The following RABIF variants were observed in gnomAD, a reference collection of about 807,000 sequenced individuals.
RABIF encodes guanine nucleotide exchange factor MSS4.
Under a neutral mutation model 12.3 loss-of-function variants are expected in RABIF, and 13 were observed. The observed-to-expected ratio is 1.06, with a 90% CI of 0.69 to 1.68. The LOEUF (loss-of-function observed/expected upper bound fraction) is 1.68, where lower values mean the gene tolerates loss of function less well. Among genes scored for constraint, RABIF ranks in the 40% most tolerant of loss-of-function variants. RABIF has a pLI of 0.00. For synonymous variants in RABIF, 70 were observed against 63.3 expected, an observed-to-expected ratio of 1.11 and a Z score of -0.50; for missense variants, 153 against 158.0, an observed-to-expected ratio of 0.97 and a Z score of 0.17.
chr1:202,886,270 G>A (rs1003902990), intron 1 of RABIF, among the ~76,000 whole-genome samples: 1 of 120,022 alleles, frequency 8.3e-6, no homozygotes, highest in East Asian at 3.2e-4. Context: ...GAAGGGAAGG[G>A]GGGAAAGGAA....
At position 202,880,746 on chromosome 1, in the gene RABIF, G is replaced by C; in HGVS notation, c.*232C>G. 7.8e-7 allele frequency: 1 copy of C among 1,283,128 alleles called. No homozygotes were observed. The highest frequency in any genetic ancestry group is 9.9e-7 in the Non-Finnish European group (1 of 1,009,790). 79.5% of individuals were successfully genotyped at this position (1,283,128 alleles called of 1,614,324 possible). ...AGGTAAGCACAGTGTCCCAAAACTGGGGGAAAAGGGAGCTTAGGAAATGTG... is the reference window on the plus strand; with the variant it reads ...AGGTAAGCACAGTGTCCCAAAACTGCGGGAAAAGGGAGCTTAGGAAATGTG... On this transcript the variant is annotated 3_prime_UTR_variant, in exon 2 of 2. Transcript: ENST00000367262.
At chr1:202,884,121 G>T (rs1004282161) in intron 1 of RABIF, among the ~76,000 whole-genome samples, 1 of 152,116 alleles carries the variant, frequency 6.6e-6, no homozygotes, top group East Asian at 1.9e-4. Context: ...GTTCTGTCAG[G>T]ACCCCAGCGA....
At chr1:202,887,553 A>G (rs1453213852) in intron 1 of RABIF, among the ~76,000 whole-genome samples, 1 of 148,738 alleles carries the variant, frequency 6.7e-6, no homozygotes, top group Non-Finnish European at 1.5e-5. Flanking sequence ...ACTGGAGTGC[A>G]GTGACTCAAT....
Position 202,889,073 on chromosome 1 carries a change from T to A in RABIF, c.26A>T (p.Glu9Val). The change falls in exon 1 of 2, where the codon GAG becomes GTG. Residue 9 changes from glutamate to valine, a missense_variant. Physicochemically the swap from Glu to Val is moderately radical, Grantham distance 121 (BLOSUM62 -2). Around this residue, in one of 2 missense-constraint regions of RABIF, gnomAD observed 113 missense variants for 90.9 expected, o/e 1.24. Transcript: ENST00000367262. MEPAEQPS[E>V]LVSAEGRNRK... ...GTTTCGGCCCTCGGCTGACACTAAC[T>A]CGCTCGGCTGCTCCGCTGGTTCCAT... 6.2e-7 allele frequency: 1 copy of A among 1,610,542 alleles called. No individual in the cohort carries two copies. Among genetic ancestry groups the A allele is most frequent in the Non-Finnish European group, 8.5e-7 (1 of 1,178,792 alleles).
intron 1 of RABIF, among the ~76,000 whole-genome samples, chr1:202,882,158 T>G (rs1011143459): frequency 2.0e-5 from 3 of 151,326 alleles, no homozygotes; most frequent in African/African-American, 7.3e-5. Flanking sequence ...AGCAGGAGGG[T>G]TGCCTGAGCT....
At chr1:202,882,215 T>C (rs1234296975) in intron 1 of RABIF, among the ~76,000 whole-genome samples, 1 of 151,966 alleles carries the variant, frequency 6.6e-6, no homozygotes, top group East Asian at 1.9e-4. Context: ...CCCCCATCTC[T>C]ACAAAAAACA....
At chr1:202,883,434 C>T (rs1245385763) in intron 1 of RABIF, among the ~76,000 whole-genome samples, 1 of 152,162 alleles carries the variant, frequency 6.6e-6, no homozygotes, top group Non-Finnish European at 1.5e-5. Flanking sequence ...AGTTAGGAAT[C>T]AAAATTAAGG....
At chr1:202,885,864 T>G (rs1659552387) in intron 1 of RABIF, among the ~76,000 whole-genome samples, 1 of 152,108 alleles carries the variant, frequency 6.6e-6, no homozygotes, top group Non-Finnish European at 1.5e-5. Context: ...ACAGCTGAGT[T>G]GCTTGAGTCC....
Position 202,879,158 on chromosome 1 carries a change from C to T in RABIF, c.*1820G>A, listed in dbSNP as rs1381017057. 1.3e-5 allele frequency: 2 copies of T among 152,076 alleles called. No homozygotes were observed. Among genetic ancestry groups the T allele is most frequent in the Non-Finnish European group, 1.5e-5 (1 of 68,022 alleles). The allele number at this position is 152,076 out of a possible 1,614,324, so 9.4% of individuals were successfully genotyped here. A position where few individuals can be genotyped will look rare whatever the true frequency, so the allele number is the denominator to read the frequency against. On this transcript the variant is annotated 3_prime_UTR_variant, in exon 2 of 2. Coordinates refer to ENST00000367262, the MANE Select transcript of RABIF (RefSeq NM_002871.5). ...AAATACTATGGTTTCCTATTCAAGT[C>T]GCTATATATTTTTTTGTTGTTACTG... is the stretch of plus-strand genomic sequence containing the variant.
rs1286958493 is a variant in RABIF at position 202,879,754 on chromosome 1, G to GT, written c.*1223dup. ...AAAACAATGGAAGGGACTTCAGATG[G>GT]TAAGGTTTCTGTTTAGTACTTATTT... is the stretch of plus-strand genomic sequence containing the variant. On this transcript the variant is annotated 3_prime_UTR_variant, in exon 2 of 2. Transcript: ENST00000367262. The GT allele has an allele frequency of 6.6e-6, 1 of 152,192 alleles. No individual in the cohort carries two copies. The highest frequency in any genetic ancestry group is 1.5e-5 in the Non-Finnish European group (1 of 68,040). 9.4% of individuals were successfully genotyped at this position (152,192 alleles called of 1,614,324 possible).
intron 1 of RABIF, among the ~76,000 whole-genome samples, chr1:202,887,796 G>GC (rs1261870236): frequency 6.6e-6 from 1 of 151,944 alleles, no homozygotes. Flanking sequence ...GAGCCACCGC[G>GC]CCCAGCCTAA....
In RABIF at chr1:202,878,296, ACTG is replaced by A. The variant is rs1191241046; in HGVS notation, c.*2679_*2681del. Reference sequence around the variant, plus strand: ...CTACTTCTGAAAGGCTGCTAAAATCACTGCTAAGCCTCTGAATCACCTCCAAGT... The same window carrying A: ...CTACTTCTGAAAGGCTGCTAAAATCACTAAGCCTCTGAATCACCTCCAAGT... On this transcript the variant is annotated 3_prime_UTR_variant, in exon 2 of 2. Coordinates refer to ENST00000367262, the MANE Select transcript of RABIF (RefSeq NM_002871.5). Among the ~76,000 whole-genome samples, 11 of 152,160 alleles carry A rather than the reference ACTG, an allele frequency of 7.2e-5. No individual in the cohort carries two copies. Among genetic ancestry groups the A allele is most frequent in the African/African-American group, 2.7e-4 (11 of 41,494 alleles).
intron 1 of RABIF, among the ~76,000 whole-genome samples, chr1:202,884,691 C>T (rs1013393746): frequency 1.3e-5 from 2 of 152,098 alleles, no homozygotes; most frequent in African/African-American, 4.8e-5. Context: ...CACAGGCAGA[C>T]GCGTGACGGA....
chr1:202,888,921 G>C (rs1659607388), intron 1 of RABIF, 52 bp downstream of exon 1: 2 of 1,460,920 alleles, frequency 1.4e-6, no homozygotes, highest in Admixed American at 5.5e-5. Context: ...TGACTGCGGC[G>C]GCTCGTCGGG....
At chr1:202,888,322 T>C (rs1201787335) in intron 1 of RABIF, among the ~76,000 whole-genome samples, 1 of 152,140 alleles carries the variant, frequency 6.6e-6, no homozygotes, top group Non-Finnish European at 1.5e-5. Flanking sequence ...TTCTTCGAAA[T>C]TTACTTCCAG....
Position 202,889,108 on chromosome 1 carries a change from C to T in RABIF, c.-10G>A, listed in dbSNP as rs767459814. 1.3e-5 allele frequency: 21 copies of T among 1,600,444 alleles called. No individual in the cohort carries two copies. Among genetic ancestry groups the T allele is most frequent in the African/African-American group, 4.0e-5 (3 of 74,388 alleles). ...GCTCCGCTGGTTCCATCGCCGCTGC[C>T]GCCACAGGCTCCTCAGCCACGGCTG... On this transcript the variant is annotated 5_prime_UTR_variant, in exon 1 of 2. Transcript: ENST00000367262.
rs1659469150 is a variant in RABIF, at chr1:202,880,396, TG to T, written c.*581del. The T allele has an allele frequency of 6.5e-6, 1 of 152,780 alleles. No individual in the cohort carries two copies. The highest frequency in any genetic ancestry group is 2.4e-5 in the African/African-American group (1 of 41,468). The allele number at this position is 152,780 out of a possible 1,614,324, so 9.5% of individuals were successfully genotyped here. ...TGTCATTCTCAACCTAGAGCAGAGG[TG>T]CTCAAACATGGTATTAGAGATGCAT... On this transcript the variant is annotated 3_prime_UTR_variant, in exon 2 of 2. Coordinates refer to ENST00000367262, the MANE Select transcript of RABIF (RefSeq NM_002871.5).
In RABIF at chr1:202,888,957, C is replaced by CA; in HGVS notation, c.126+15dup. ...GGAGACTGTGGGTGTAAACGGCCTCCAACCTGCCTCCCTACCTGTCGGCGA... is the reference window on the plus strand; with the variant it reads ...GGAGACTGTGGGTGTAAACGGCCTCCAAACCTGCCTCCCTACCTGTCGGCGA... On this transcript the variant is annotated intron_variant, in intron 1 of 1. Coordinates refer to ENST00000367262, the MANE Select transcript of RABIF (RefSeq NM_002871.5). 1 of 1,536,812 alleles carries CA rather than the reference C, an allele frequency of 6.5e-7. No individual in the cohort carries two copies. Among genetic ancestry groups the CA allele is most frequent in the Non-Finnish European group, 8.8e-7 (1 of 1,138,906 alleles).
At chr1:202,885,985 T>G (rs1467740071) in intron 1 of RABIF, among the ~76,000 whole-genome samples, 1 of 151,428 alleles carries the variant, frequency 6.6e-6, no homozygotes, top group East Asian at 1.9e-4. Context: ...AAACCCACCT[T>G]TTTGCCTTTT....
Sources: allele counts gnomAD v4.1 joint callset (sites outside exome capture counted in the v4.1 genomes callset), GRCh38; gene constraint gnomAD v4.1.1; regional missense constraint gnomAD v4.1.1; transcripts MANE v1.5; gene names NCBI Gene and HGNC (gene_info 2026-07-23, HGNC 2026-07-21).